Variants in DHX15 observed in about 807,000 individuals in gnomAD.
DHX15 encodes the protein DEAH-box helicase 15.
DHX15 carries 11 observed loss-of-function variants against 94.4 expected under a neutral mutation model. The ratio of observed to expected loss-of-function variants is 0.12; its 90% CI spans 0.07 to 0.19. The LOEUF (loss-of-function observed/expected upper bound fraction) is 0.19, where lower values mean the gene tolerates loss of function less well. Ranked by LOEUF, DHX15 falls within the 10% of genes least tolerant of loss-of-function variation. The pLI, the probability that DHX15 is intolerant of heterozygous loss-of-function variation, is 1.00. For missense variants in DHX15, 304 were observed against 988.5 expected (o/e 0.31, Z 9.29); for synonymous variants, 338 against 329.9 (o/e 1.02, Z -0.27).
intron 7 of DHX15, among the ~76,000 whole-genome samples, chr4:24,542,498 C>A (rs138293029): frequency 6.6e-5 from 10 of 152,274 alleles, no homozygotes; most frequent in African/African-American, 2.2e-4. Context: ...AGCCACTTCA[C>A]CTGCATTTCA....
intron 3 of DHX15, among the ~76,000 whole-genome samples, chr4:24,566,222 A>C (rs1421831003): frequency 1.3e-5 from 2 of 151,688 alleles, no homozygotes; most frequent in Non-Finnish European, 2.9e-5. Context: ...TTAATATATA[A>C]ATCTTTTTGG....
chr4:24,553,175 G>A (rs937612513), intron 5 of DHX15, among the ~76,000 whole-genome samples: 1 of 152,034 alleles, frequency 6.6e-6, no homozygotes, highest in African/African-American at 2.4e-5. Flanking sequence ...ATACCAATTA[G>A]TTGGGCATGG....
intron 12 of DHX15, among the ~76,000 whole-genome samples, chr4:24,531,250 G>A (rs1288829106): frequency 3.3e-5 from 5 of 152,048 alleles, no homozygotes; most frequent in East Asian, 1.9e-4. Flanking sequence ...CACCGCGCCC[G>A]GCTAATTTTT....
At chr4:24,575,805 G>C (rs1722245134) in intron 2 of DHX15, among the ~76,000 whole-genome samples, 1 of 152,166 alleles carries the variant, frequency 6.6e-6, no homozygotes, top group Non-Finnish European at 1.5e-5. Flanking sequence ...TTAGTTCTAT[G>C]GGAGGGAGGA....
intron 5 of DHX15, among the ~76,000 whole-genome samples, chr4:24,553,720 T>C (rs1450538871): frequency 6.6e-6 from 1 of 151,374 alleles, no homozygotes; most frequent in Non-Finnish European, 1.5e-5. Context: ...GAGGTTGCAG[T>C]GAGCCGATAA....
chr4:24,563,999 G>A (rs1395348167), intron 3 of DHX15, among the ~76,000 whole-genome samples: 9 of 151,068 alleles, frequency 6.0e-5, no homozygotes, highest in South Asian at 4.2e-4. Flanking sequence ...CCTGGGAGGC[G>A]GAGCTTGCAG....
chr4:24,568,523 A>G (rs572950857), intron 3 of DHX15, among the ~76,000 whole-genome samples: 1 of 152,168 alleles, frequency 6.6e-6, no homozygotes, highest in Non-Finnish European at 1.5e-5. Context: ...TGAACTATAA[A>G]ATCTGTTACT....
At chr4:24,552,440 C>CATGTAAA (rs1721628745) in intron 5 of DHX15, among the ~76,000 whole-genome samples, 4 of 152,138 alleles carry the variant, frequency 2.6e-5, no homozygotes, top group Non-Finnish European at 4.4e-5. Flanking sequence ...TGTTCTCTCT[C>CATGTAAA]CCTCCCAAAT....
In DHX15 at chr4:24,527,834, C is replaced by G. The variant is rs1577329390; in HGVS notation, c.*90G>C. On this transcript the variant is annotated 3_prime_UTR_variant, in exon 14 of 14. Coordinates refer to ENST00000336812, the MANE Select transcript of DHX15 (RefSeq NM_001358.3). ...AAAGCTTTCAAATAAAGGCCATTAT[C>G]GAACCAACGTGAAGAGCACAACTCG... The G allele has an allele frequency of 1.2e-6, 1 of 821,826 alleles. No individual in the cohort carries two copies. The highest frequency in any genetic ancestry group is 2.1e-5 in the Admixed American group (1 of 47,388). 50.9% of individuals were successfully genotyped at this position (821,826 alleles called of 1,614,324 possible).
At chr4:24,531,479 G>A (rs903466425) in intron 12 of DHX15, among the ~76,000 whole-genome samples, 3 of 152,058 alleles carry the variant, frequency 2.0e-5, no homozygotes, top group Admixed American at 6.5e-5. Flanking sequence ...TTGGGAGGTC[G>A]AGGTAGGAGG....
At chr4:24,583,136 T>C (rs977059794) in intron 1 of DHX15, among the ~76,000 whole-genome samples, 1 of 152,194 alleles carries the variant, frequency 6.6e-6, no homozygotes, top group Non-Finnish European at 1.5e-5. Flanking sequence ...GTATCACAAG[T>C]ACACAATAAA....
At chr4:24,541,769 T>G in intron 8 of DHX15, 104 bp downstream of exon 8, 1 of 1,243,718 alleles carries the variant, frequency 8.0e-7, no homozygotes, top group Non-Finnish European at 1.1e-6. Flanking sequence ...AAGGAGCTTT[T>G]AATCCTAAAA....
At position 24,540,968 on chromosome 4, in the gene DHX15, T is replaced by A; in HGVS notation, c.1486-20A>T. On this transcript the variant is annotated intron_variant, in intron 8 of 13. Coordinates refer to ENST00000336812, the MANE Select transcript of DHX15 (RefSeq NM_001358.3). Reference sequence around the variant, plus strand: ...GTTATCCTAGCAAAGAACAAAAACATTTATTGGTTATGTTAAAAATGCCTC... The same window carrying A: ...GTTATCCTAGCAAAGAACAAAAACAATTATTGGTTATGTTAAAAATGCCTC... 1 of 1,462,508 alleles carries A rather than the reference T, an allele frequency of 6.8e-7. No homozygotes were observed. The highest frequency in any genetic ancestry group is 1.4e-5 in the African/African-American group (1 of 70,794). The allele number at this position is 1,462,508 out of a possible 1,614,324, so 90.6% of individuals were successfully genotyped here.
chr4:24,584,374 A>G lies in DHX15; in HGVS notation c.20T>C (p.Leu7Ser), dbSNP rs1352845434. 1 of 1,613,046 alleles carries G rather than the reference A, an allele frequency of 6.2e-7. No individual in the cohort carries two copies. Among genetic ancestry groups the G allele is most frequent in the Non-Finnish European group, 8.5e-7 (1 of 1,179,576 alleles). The change falls in exon 1 of 14, where the codon TTG becomes TCG. Residue 7 changes from leucine to serine, a missense_variant. Leu to Ser is a moderately radical substitution (Grantham distance 145, BLOSUM62 -2). Transcript: ENST00000336812. MSKRHRLDLGEDYPSGK... is the reference protein window; with the variant it reads MSKRHRSDLGEDYPSGK... Reference sequence around the variant, plus strand: ...AGAGGGGTAATCCTCCCCTAGGTCCAACCGGTGCCGCTTGGACATCCTCGC... The same window carrying G: ...AGAGGGGTAATCCTCCCCTAGGTCCGACCGGTGCCGCTTGGACATCCTCGC...
intron 3 of DHX15, among the ~76,000 whole-genome samples, chr4:24,556,895 G>C (rs1161035948): frequency 5.3e-5 from 8 of 152,084 alleles, no homozygotes; most frequent in Non-Finnish European, 2.9e-5. Context: ...ACAGGCTCTT[G>C]GTTCAAAAGG....
chr4:24,562,191 T>A (rs975073454), intron 3 of DHX15, among the ~76,000 whole-genome samples: 23 of 148,170 alleles, frequency 1.6e-4, no homozygotes, highest in Non-Finnish European at 3.0e-4. Flanking sequence ...GCAATTTACC[T>A]ATACAGCAAA....
At chr4:24,579,589 C>A (rs1722358809) in intron 1 of DHX15, among the ~76,000 whole-genome samples, 1 of 152,168 alleles carries the variant, frequency 6.6e-6, no homozygotes, top group African/African-American at 2.4e-5. Context: ...TGTCTCAGTT[C>A]AATCTTGGCT....
intron 1 of DHX15, among the ~76,000 whole-genome samples, chr4:24,578,294 C>T (rs574202881): frequency 1.3e-5 from 2 of 152,318 alleles, no homozygotes; most frequent in East Asian, 3.9e-4. Flanking sequence ...TCTCCTGCTT[C>T]TGGCCTAAGG....
At chr4:24,563,460 G>C (rs2109005230) in intron 3 of DHX15, 1 of 152,186 alleles carries the variant, frequency 6.6e-6, no homozygotes, top group East Asian at 1.9e-4. Flanking sequence ...ACTGCACCTG[G>C]ACTTGTTTAC....
Sources: allele counts gnomAD v4.1 joint callset (sites outside exome capture counted in the v4.1 genomes callset), GRCh38; gene constraint gnomAD v4.1.1; transcripts MANE v1.5; gene names NCBI Gene and HGNC (gene_info 2026-07-23, HGNC 2026-07-21).